PANK4: variants seen among roughly 807,000 people sequenced by gnomAD.
PANK4 encodes pantothenate kinase 4 (inactive), also known as 4'-phosphopantetheine phosphatase.
In PANK4, 40 loss-of-function variants were observed where a neutral mutation model predicts 87.9. The ratio of observed to expected loss-of-function variants is 0.46; its 90% CI spans 0.35 to 0.59. The LOEUF (loss-of-function observed/expected upper bound fraction) is 0.59. PANK4 is among the 20% of genes least tolerant of loss of function. The pLI, the probability that PANK4 is intolerant of heterozygous loss-of-function variation, is 0.00. For synonymous variants in PANK4, 524 were observed against 467.4 expected (o/e 1.12, Z -1.56); for missense variants, 926 against 1,072.3 (o/e 0.86, Z 1.90).
chr1:2,512,616 G>A (rs183520763), intron 13 of PANK4: 10 of 457,142 alleles, frequency 2.2e-5, no homozygotes, highest in Admixed American at 1.2e-4. Flanking sequence ...TGCCAGCCCC[G>A]ATTTTCAAAT....
chr1:2,520,057 TA>T lies in PANK4; in HGVS notation c.700-104del. The T allele has an allele frequency of 8.8e-7, 1 of 1,132,778 alleles. No individual in the cohort carries two copies. 70.2% of individuals were successfully genotyped at this position (1,132,778 alleles called of 1,614,324 possible). ...GCAGGAGGCACGCGCGGGCAGGGGG[TA>T]AATGGGCCCTCATCGCGTGGGACCA... is the stretch of plus-strand genomic sequence containing the variant. On this transcript the variant is annotated intron_variant, in intron 5 of 18. Transcript: ENST00000378466. This position sits in a 1 kb window ranked among gnomAD's most constrained non-coding sequence, Gnocchi z 6.2.
chr1:2,511,229 C>A, intron 15 of PANK4, 109 bp downstream of exon 15: 1 of 749,426 alleles, frequency 1.3e-6, no homozygotes, highest in South Asian at 1.5e-5. Flanking sequence ...GAGACTCTAA[C>A]AGGAGGGGAG....
chr1:2,515,591 G>C lies in PANK4; in HGVS notation c.1345C>G (p.Leu449Val). 6.2e-7 allele frequency: 1 copy of C among 1,613,190 alleles called. No individual in the cohort carries two copies. The highest frequency in any genetic ancestry group is 1.7e-5 in the Admixed American group (1 of 60,014). Residue 449 changes from leucine to valine, a missense_variant, in exon 10 of 19, where the codon CTC becomes GTC. Transcript: ENST00000378466. The surrounding 1 kb of genome is among the most constrained non-coding windows in gnomAD (Gnocchi z 5.0). ...TCCAGGGCCTCCTCAAAGCAGGTGA[G>C]CCAGTATTTTCGGGCCAGAGCGTCA... Reference protein sequence around the residue: ...TDDALARKYWLTCFEEALDGV... With the variant: ...TDDALARKYWVTCFEEALDGV...
At chr1:2,526,411 C>A in intron 1 of PANK4, 53 bp downstream of exon 1, 1 of 1,012,478 alleles carries the variant, frequency 9.9e-7, no homozygotes, top group South Asian at 4.2e-5. Flanking sequence ...CGGCCCACCG[C>A]CGGCGCCCCG....
At position 2,515,468 on chromosome 1, in the gene PANK4, TCC is replaced by T; in HGVS notation, c.1374+92_1374+93del. On this transcript the variant is annotated intron_variant, in intron 10 of 18. Transcript: ENST00000378466. The surrounding 1 kb of genome is among the most constrained non-coding windows in gnomAD (Gnocchi z 5.0). ...GGGGTTTCTGGACAACACTGGCCTG[TCC>T]CCCTTCGCCACCTTGGCTTTGCCCC... is the stretch of plus-strand genomic sequence containing the variant. The T allele has an allele frequency of 7.4e-7, 1 of 1,353,624 alleles. No homozygotes were observed. 83.9% of individuals were successfully genotyped at this position (1,353,624 alleles called of 1,614,324 possible).
Position 2,510,249 on chromosome 1 carries a change from G to A in PANK4, c.1939-92C>T. 2.3e-6 allele frequency: 2 copies of A among 856,924 alleles called. No individual in the cohort carries two copies. The highest frequency in any genetic ancestry group is 3.9e-6 in the Non-Finnish European group (2 of 517,620). The allele number at this position is 856,924 out of a possible 1,614,324, so 53.1% of individuals were successfully genotyped here. On this transcript the variant is annotated intron_variant, in intron 16 of 18. Transcript: ENST00000378466. The surrounding 1 kb of genome is among the most constrained non-coding windows in gnomAD (Gnocchi z 4.9). The stretch of plus-strand genomic sequence containing the variant: ...CGGCCTTCGAGTGGCTGGGCTGGGT[G>A]AGGGTGCTGTGCCCAGCGGGCCTGG...
chr1:2,516,378 C>T (rs538243770), intron 9 of PANK4, among the ~76,000 whole-genome samples: 222 of 152,352 alleles, frequency 1.5e-3, no homozygotes, highest in Non-Finnish European at 2.5e-3. Context: ...AGCACAGGCG[C>T]GCTCACGGGC....
chr1:2,515,474 T>C lies in PANK4; in HGVS notation c.1374+88A>G. ...TCTGGACAACACTGGCCTGTCCCCC[T>C]TCGCCACCTTGGCTTTGCCCCCGGA... On this transcript the variant is annotated intron_variant, in intron 10 of 18. Transcript: ENST00000378466. This position sits in a 1 kb window ranked among gnomAD's most constrained non-coding sequence, Gnocchi z 5.0. 7.0e-7 allele frequency: 1 copy of C among 1,425,476 alleles called. No individual in the cohort carries two copies. Among genetic ancestry groups the C allele is most frequent in the Non-Finnish European group, 9.9e-7 (1 of 1,013,528 alleles). 88.3% of individuals were successfully genotyped at this position (1,425,476 alleles called of 1,614,324 possible). A position where few individuals can be genotyped will look rare whatever the true frequency, so the allele number is the denominator to read the frequency against.
chr1:2,510,907 G>A lies in PANK4; in HGVS notation c.1834-125C>T. The A allele has an allele frequency of 3.0e-6, 2 of 656,722 alleles. No homozygotes were observed. Among genetic ancestry groups the A allele is most frequent in the Non-Finnish European group, 5.5e-6 (2 of 365,580 alleles). The allele number at this position is 656,722 out of a possible 1,614,324, so 40.7% of individuals were successfully genotyped here. A position where few individuals can be genotyped will look rare whatever the true frequency, so the allele number is the denominator to read the frequency against. ...CTGGGGGCTTCAGGGCCCCAGAGATGCCAGGGATGGGCTGTCCTGCAGGGG... is the reference window on the plus strand; with the variant it reads ...CTGGGGGCTTCAGGGCCCCAGAGATACCAGGGATGGGCTGTCCTGCAGGGG... On this transcript the variant is annotated intron_variant, in intron 15 of 18. Coordinates refer to ENST00000378466, the MANE Select transcript of PANK4 (RefSeq NM_018216.4). The surrounding 1 kb of genome is among the most constrained non-coding windows in gnomAD (Gnocchi z 4.9).
At chr1:2,516,792 C>T (rs532348070) in intron 9 of PANK4, among the ~76,000 whole-genome samples, 24 of 152,258 alleles carry the variant, frequency 1.6e-4, no homozygotes, top group Admixed American at 3.9e-4. Flanking sequence ...GGACCACAGC[C>T]GGGATCGCCT....
intron 1 of PANK4, chr1:2,525,612 TTGGTA>T (rs1195055395): frequency 6.6e-6 from 1 of 152,224 alleles, no homozygotes; most frequent in Non-Finnish European, 1.5e-5. Flanking sequence ...TTTCTGGGGC[TTGGTA>T]TCCTCATCTG....
chr1:2,514,536 A>G, intron 10 of PANK4, 70 bp from the exon 11 acceptor site: 3 of 277,772 alleles, frequency 1.1e-5, no homozygotes, highest in Non-Finnish European at 1.1e-5. Context: ...ACGTGACAGC[A>G]GGGGGCTCGG....
At position 2,518,311 on chromosome 1, in the gene PANK4, T is replaced by C. The variant is rs1281418882; in HGVS notation, c.1118-47A>G. The C allele has an allele frequency of 3.7e-6, 5 of 1,369,542 alleles. No individual in the cohort carries two copies. In the African/African-American group the frequency reaches 7.2e-5, roughly 20 times the overall value. 84.8% of individuals were successfully genotyped at this position (1,369,542 alleles called of 1,614,324 possible). A position where few individuals can be genotyped will look rare whatever the true frequency, so the allele number is the denominator to read the frequency against. The stretch of plus-strand genomic sequence containing the variant: ...CACTTGTGTTAACCTTGCCCTTGAT[T>C]CAAAAGCAGGAGAGTGGAGGAGGAA... On this transcript the variant is annotated intron_variant, in intron 8 of 18. Coordinates refer to ENST00000378466, the MANE Select transcript of PANK4 (RefSeq NM_018216.4).
rs1389854898 is a variant in PANK4, at chr1:2,520,292, C to G, written c.699+30G>C. Reference sequence around the variant, plus strand: ...AAGGAAGCAGACATCTCCGCAGACCCCTGGAAGGTCTCTGGCAGCTGCCGC... The same window carrying G: ...AAGGAAGCAGACATCTCCGCAGACCGCTGGAAGGTCTCTGGCAGCTGCCGC... On this transcript the variant is annotated intron_variant, in intron 5 of 18. Transcript: ENST00000378466. The surrounding 1 kb of genome is among the most constrained non-coding windows in gnomAD (Gnocchi z 6.2). 6.3e-7 allele frequency: 1 copy of G among 1,594,830 alleles called. No individual in the cohort carries two copies. The highest frequency in any genetic ancestry group is 1.3e-5 in the African/African-American group (1 of 74,588).
Position 2,510,910 on chromosome 1 carries a change from A to G in PANK4, c.1834-128T>C. 1.5e-6 allele frequency: 1 copy of G among 648,436 alleles called. No individual in the cohort carries two copies. Among genetic ancestry groups the G allele is most frequent in the East Asian group, 2.7e-5 (1 of 37,186 alleles). The allele number at this position is 648,436 out of a possible 1,614,324, so 40.2% of individuals were successfully genotyped here. On this transcript the variant is annotated intron_variant, in intron 15 of 18. Coordinates refer to ENST00000378466, the MANE Select transcript of PANK4 (RefSeq NM_018216.4). This position sits in a 1 kb window ranked among gnomAD's most constrained non-coding sequence, Gnocchi z 4.9. ...GGGGCTTCAGGGCCCCAGAGATGCC[A>G]GGGATGGGCTGTCCTGCAGGGGCCG...
Position 2,520,055 on chromosome 1 carries a change from G to A in PANK4, c.700-101C>T, listed in dbSNP as rs764956348. 31 of 1,160,098 alleles carry A rather than the reference G, an allele frequency of 2.7e-5. No individual in the cohort carries two copies. The highest frequency in any genetic ancestry group is 3.7e-5 in the Non-Finnish European group (31 of 834,958). The allele number at this position is 1,160,098 out of a possible 1,614,324, so 71.9% of individuals were successfully genotyped here. On this transcript the variant is annotated intron_variant, in intron 5 of 18. Transcript: ENST00000378466. This position sits in a 1 kb window ranked among gnomAD's most constrained non-coding sequence, Gnocchi z 6.2. ...TGGCAGGAGGCACGCGCGGGCAGGG[G>A]GTAAATGGGCCCTCATCGCGTGGGA...
rs78811668 is a variant in PANK4, at chr1:2,515,379, G to C, written c.1374+183C>G. 2.4e-3 allele frequency: 1,712 copies of C among 715,798 alleles called. 15 individuals carry two copies. The highest frequency in any genetic ancestry group is 0.013 in the Admixed American group (660 of 50,078). The allele number at this position is 715,798 out of a possible 1,614,324, so 44.3% of individuals were successfully genotyped here. A position where few individuals can be genotyped will look rare whatever the true frequency, so the allele number is the denominator to read the frequency against. On this transcript the variant is annotated intron_variant, in intron 10 of 18. Coordinates refer to ENST00000378466, the MANE Select transcript of PANK4 (RefSeq NM_018216.4). The surrounding 1 kb of genome is among the most constrained non-coding windows in gnomAD (Gnocchi z 5.0). ...CGCCACGTCCTCACTGACCCACCAG[G>C]TGGCCAGGAGCGGTATTTTTGCCTG...
chr1:2,511,305 C>G (rs1457669712), intron 15 of PANK4, 33 bp downstream of exon 15: 1 of 1,539,764 alleles, frequency 6.5e-7, no homozygotes. Context: ...CGCTGTGTCC[C>G]CAGCAGCAGA....
intron 15 of PANK4, 109 bp downstream of exon 15, chr1:2,511,229 C>T (rs571186701): frequency 4.0e-5 from 30 of 749,426 alleles, no homozygotes; most frequent in South Asian, 3.2e-4. Context: ...GAGACTCTAA[C>T]AGGAGGGGAG....
Sources: allele counts gnomAD v4.1 joint callset (sites outside exome capture counted in the v4.1 genomes callset), GRCh38; gene constraint gnomAD v4.1.1; non-coding constraint Gnocchi (gnomAD v3.1); transcripts MANE v1.5; gene names NCBI Gene and HGNC (gene_info 2026-07-23, HGNC 2026-07-21).